The following NFASC variants were observed in gnomAD, a reference collection of about 807,000 sequenced individuals.
NFASC encodes the protein neurofascin homolog.
A neutral mutation model predicts 147.5 loss-of-function variants in NFASC; 43 were observed. The ratio of observed to expected loss-of-function variants is 0.29; its 90% confidence interval spans 0.23 to 0.38. NFASC has a LOEUF of 0.38. Ranked by LOEUF, NFASC falls within the 10% of genes least tolerant of loss-of-function variation. The pLI is 1.00. For synonymous variants in NFASC, 622 were observed against 665.5 expected (o/e 0.93, Z 1.01); for missense variants, 1,320 against 1,689.0 (o/e 0.78, Z 3.83).
chr1:204,855,588 G>A (rs1216409099), intron 1 of NFASC, among the ~76,000 whole-genome samples: 1 of 152,160 alleles, frequency 6.6e-6, no homozygotes. Context: ...CTGAGCGAGG[G>A]CTGAATTCCA....
chr1:204,910,675 AT>A (rs888704791), intron 1 of NFASC, among the ~76,000 whole-genome samples: 7 of 151,654 alleles, frequency 4.6e-5, no homozygotes, highest in African/African-American at 1.7e-4. Flanking sequence ...ATCTTTTTAA[AT>A]TTTTTTTGTA....
chr1:205,009,755 C>T, intron 28 of NFASC, 67 bp downstream of exon 28: 1 of 1,524,576 alleles, frequency 6.6e-7, no homozygotes, highest in South Asian at 1.2e-5. Context: ...GTCTCCAGGT[C>T]TCCAGCCAGA....
intron 1 of NFASC, among the ~76,000 whole-genome samples, chr1:204,889,120 C>T (rs570897581): frequency 3.3e-5 from 5 of 152,342 alleles, no homozygotes; most frequent in Non-Finnish European, 5.9e-5. Flanking sequence ...TGCCTGTCTG[C>T]ACAACCTCGA....
chr1:204,877,147 A>G lies in NFASC; in HGVS notation c.-199-43485A>G, dbSNP rs149632246. 2.2e-3 allele frequency among the ~76,000 whole-genome samples: 312 copies of G among 144,420 alleles called. 3 individuals are homozygous for G. Among genetic ancestry groups the G allele is most frequent in the African/African-American group, 7.3e-3 (289 of 39,430 alleles). The allele number at this position is 144,420 out of a possible 152,430, so 94.7% of individuals were successfully genotyped here. On this transcript the variant is annotated intron_variant, in intron 1 of 29. Coordinates refer to ENST00000339876, the MANE Select transcript of NFASC (RefSeq NM_001005388.3). ...TTAAAATATTAAATAATATATAAAT[A>G]TATATTTAATAGATTATAGGAGGAA... is the stretch of plus-strand genomic sequence containing the variant.
intron 2 of NFASC, among the ~76,000 whole-genome samples, chr1:204,930,805 G>A (rs1437393599): frequency 6.6e-6 from 1 of 152,244 alleles, no homozygotes; most frequent in African/African-American, 2.4e-5. Context: ...CAAAGTGGGA[G>A]CAGAGATGGC....
chr1:205,008,277 A>AGAT (rs2096176121), intron 27 of NFASC, among the ~76,000 whole-genome samples: 1 of 152,216 alleles, frequency 6.6e-6, no homozygotes, highest in African/African-American at 2.4e-5. Context: ...GCTTGCACCC[A>AGAT]GATAACTGCC....
intron 27 of NFASC, among the ~76,000 whole-genome samples, chr1:205,003,417 A>G (rs977853652): frequency 6.6e-6 from 1 of 152,350 alleles, no homozygotes; most frequent in South Asian, 2.1e-4. Flanking sequence ...TCCTTGTGCC[A>G]AATGAACAGG....
Position 204,968,959 on chromosome 1 carries a change from A to G in NFASC, c.980A>G (p.His327Arg). The change falls in exon 10 of 30, where the codon CAC (histidine) becomes CGC (arginine). Residue 327 changes from histidine (H) to arginine (R), a missense_variant. His to Arg is a conservative substitution (Grantham distance 29, BLOSUM62 0). Coordinates refer to ENST00000339876, the MANE Select transcript of NFASC (RefSeq NM_001005388.3). The surrounding 1 kb of genome is among the most constrained non-coding windows in gnomAD (Gnocchi z 5.4). ...TCCAACAAGATGGGCAGCATCCGGC[A>G]CACGATCTCGGTGAGAGTAAAGGGT... ...LASNKMGSIR[H>R]TISVRVKAAP... 3 of 1,613,912 alleles carry G rather than the reference A, an allele frequency of 1.9e-6. No homozygotes were observed. The highest frequency in any genetic ancestry group is 2.5e-6 in the Non-Finnish European group (3 of 1,179,956).
chr1:204,854,303 G>T (rs1357593899), intron 1 of NFASC, among the ~76,000 whole-genome samples: 2 of 152,112 alleles, frequency 1.3e-5, no homozygotes, highest in Non-Finnish European at 2.9e-5. Context: ...AACCCAATAG[G>T]TGAATGCCTA....
Position 205,001,530 on chromosome 1 carries a change from G to A in NFASC, c.3136+244G>A, listed in dbSNP as rs532912786. 4.9e-4 allele frequency among the ~76,000 whole-genome samples: 75 copies of A among 152,280 alleles called. 1 individual carries two copies. The highest frequency in any genetic ancestry group is 2.3e-3 in the Admixed American group (35 of 15,298). Reference sequence around the variant, plus strand: ...AGTGGAAGTCTAGGATTGCATGTCTGTGGAGGACCTGGGTAAAGGGGCCCT... The same window carrying A: ...AGTGGAAGTCTAGGATTGCATGTCTATGGAGGACCTGGGTAAAGGGGCCCT... On this transcript the variant is annotated intron_variant, in intron 26 of 29. Coordinates refer to ENST00000339876, the MANE Select transcript of NFASC (RefSeq NM_001005388.3).
intron 29 of NFASC, among the ~76,000 whole-genome samples, chr1:205,014,593 C>T (rs972640713): frequency 5.9e-5 from 9 of 152,122 alleles, no homozygotes; most frequent in Admixed American, 1.3e-4. Flanking sequence ...ACCAGGGCCA[C>T]CCCTAGTCAT....
Position 204,954,254 on chromosome 1 carries a change from G to A in NFASC, c.282G>A (p.Arg94=). ...IAKDPRVSMR[R]RSGTLVIDFR... ...AGGACCCCCGGGTGTCCATGAGGAG[G>A]AGGTCTGGGACCCTGGTGATTGACT... Residue 94 remains arginine, a synonymous_variant, in exon 6 of 30, where the codon AGG becomes AGA. Transcript: ENST00000339876. This position sits in a 1 kb window ranked among gnomAD's most constrained non-coding sequence, Gnocchi z 5.7. The A allele has an allele frequency of 6.2e-7, 1 of 1,614,234 alleles. No individual in the cohort carries two copies. The highest frequency in any genetic ancestry group is 8.5e-7 in the Non-Finnish European group (1 of 1,180,048).
chr1:204,882,425 A>AT, intron 1 of NFASC, among the ~76,000 whole-genome samples: 1 of 150,996 alleles, frequency 6.6e-6, no homozygotes, highest in South Asian at 2.1e-4. Flanking sequence ...GCCTTAAGCT[A>AT]TTCCCCCCCT....
intron 1 of NFASC, among the ~76,000 whole-genome samples, chr1:204,911,195 C>T (rs902161574): frequency 2.0e-5 from 3 of 152,060 alleles, no homozygotes; most frequent in Admixed American, 6.5e-5. Flanking sequence ...TTGATTGACA[C>T]GATTGTGTAA....
chr1:204,897,350 G>A (rs2083573726), intron 1 of NFASC, among the ~76,000 whole-genome samples: 1 of 152,162 alleles, frequency 6.6e-6, no homozygotes, highest in African/African-American at 2.4e-5. Flanking sequence ...CTGTGTGATA[G>A]TGATAGCAGA....
At chr1:204,843,320 TAAG>T (rs2102532104) in intron 1 of NFASC, among the ~76,000 whole-genome samples, 1 of 152,318 alleles carries the variant, frequency 6.6e-6, no homozygotes, top group African/African-American at 2.4e-5. Flanking sequence ...TTAATCCACT[TAAG>T]AAATAATACA....
intron 2 of NFASC, among the ~76,000 whole-genome samples, chr1:204,931,404 A>C (rs1016244367): frequency 6.6e-6 from 1 of 152,126 alleles, no homozygotes; most frequent in Non-Finnish European, 1.5e-5. Context: ...GCCCTGCTAC[A>C]TTTTTTTATC....
chr1:204,935,378 G>C (rs2092732770), intron 2 of NFASC, among the ~76,000 whole-genome samples: 1 of 152,232 alleles, frequency 6.6e-6, no homozygotes, highest in African/African-American at 2.4e-5. Flanking sequence ...CTCAGAGGCA[G>C]GCAGGGGAGT....
At chr1:204,946,541 A>G in intron 3 of NFASC, 1 of 426,016 alleles carries the variant, frequency 2.3e-6, no homozygotes, top group Admixed American at 2.4e-5. Flanking sequence ...AACGTGTCCA[A>G]AAAGAGTCTG....
Sources: gnomAD v4.1 joint callset for allele counts (sites outside exome capture counted in the v4.1 genomes callset) on GRCh38, gnomAD v4.1.1 for gene constraint, Gnocchi (gnomAD v3.1) non-coding constraint, MANE v1.5 for transcripts, NCBI Gene and HGNC (gene_info 2026-07-23, HGNC 2026-07-21) for gene names.